Variants in PDE6A observed in about 807,000 individuals in gnomAD.
PDE6A encodes the protein rod cGMP-specific 3',5'-cyclic phosphodiesterase subunit alpha.
In PDE6A, 84 loss-of-function variants were observed where a neutral mutation model predicts 106.3. That is an observed-to-expected ratio of 0.79 (90% CI 0.66 to 0.95). The LOEUF (loss-of-function observed/expected upper bound fraction) is 0.95, where lower values mean the gene tolerates loss of function less well. Among genes scored for constraint, PDE6A ranks in the 40% least tolerant of loss-of-function variants. PDE6A has a pLI of 0.00. For synonymous variants in PDE6A, 394 were observed against 386.6 expected, an observed-to-expected ratio of 1.02 and a Z score of -0.23; for missense variants, 1,052 against 1,084.9, an observed-to-expected ratio of 0.97 and a Z score of 0.43.
intron 4 of PDE6A, among the ~76,000 whole-genome samples, chr5:149,922,632 T>C (rs1753756219): frequency 1.3e-5 from 2 of 152,100 alleles, no homozygotes; most frequent in African/African-American, 4.8e-5. Flanking sequence ...TATTAACAAG[T>C]GATTTTCTCT....
chr5:149,920,938 GAGAA>G (rs776746508), intron 5 of PDE6A, among the ~76,000 whole-genome samples: 23 of 69,702 alleles, frequency 3.3e-4, no homozygotes, highest in Non-Finnish European at 6.2e-4. Flanking sequence ...GAGAGAAAGA[GAGAA>G]AAAGAAAGAA....
chr5:149,915,499 C>A (rs1355853383), intron 5 of PDE6A, among the ~76,000 whole-genome samples: 2 of 152,160 alleles, frequency 1.3e-5, no homozygotes, highest in Non-Finnish European at 2.9e-5. Flanking sequence ...GCCATAAACT[C>A]CCTCCAAGGA....
rs751806607 is a variant in PDE6A at position 149,944,725 on chromosome 5, C to T, written c.-52G>A. On this transcript the variant is annotated 5_prime_UTR_variant, in exon 1 of 22. Transcript: ENST00000255266. ...TAGAAGGACTGGGACGGAGGCCTTC[C>T]AATGGCAGTTTTGCAGTCTGCAACA... is the stretch of plus-strand genomic sequence containing the variant. The T allele has an allele frequency of 6.9e-7, 1 of 1,455,568 alleles. No homozygotes were observed. The highest frequency in any genetic ancestry group is 9.4e-7 in the Non-Finnish European group (1 of 1,061,890). The allele number at this position is 1,455,568 out of a possible 1,614,324, so 90.2% of individuals were successfully genotyped here. A position where few individuals can be genotyped will look rare whatever the true frequency, so the allele number is the denominator to read the frequency against.
Position 149,868,088 on chromosome 5 carries a change from T to C in PDE6A, c.2199+7A>G, listed in dbSNP as rs1760398367. 2 of 1,613,648 alleles carry C rather than the reference T, an allele frequency of 1.2e-6. No individual in the cohort carries two copies. Among genetic ancestry groups the C allele is most frequent in the East Asian group, 2.2e-5 (1 of 44,866 alleles). On this transcript the variant is annotated splice_region_variant and intron_variant, in intron 18 of 21. Coordinates refer to ENST00000255266, the MANE Select transcript of PDE6A (RefSeq NM_000440.3). ...GCCCCTCCTCTTGGGTCAGCAGGAGTTCATACCTGGCTCTGCACCTCCCAG... is the reference window on the plus strand; with the variant it reads ...GCCCCTCCTCTTGGGTCAGCAGGAGCTCATACCTGGCTCTGCACCTCCCAG...
At chr5:149,941,964 CT>C (rs1754340161) in intron 1 of PDE6A, among the ~76,000 whole-genome samples, 1 of 151,404 alleles carries the variant, frequency 6.6e-6, no homozygotes, top group South Asian at 2.1e-4. Context: ...CTTTCTTTTC[CT>C]TTCCTTTCCT....
intron 8 of PDE6A, among the ~76,000 whole-genome samples, chr5:149,900,366 A>AATATATATATATATATATATATAT (rs1256037154): frequency 2.3e-4 from 3 of 12,782 alleles, no homozygotes; most frequent in Non-Finnish European, 4.0e-4. Flanking sequence ...CATCTCGAAA[A>AATATATATATATATATATATATAT]ATATATATGT....
At chr5:149,932,560 C>G in intron 3 of PDE6A, 5 of 1,484,640 alleles carry the variant, frequency 3.4e-6, no homozygotes, top group Non-Finnish European at 4.7e-6. Flanking sequence ...AATCCCTGTT[C>G]CAGGTTGGCG....
intron 17 of PDE6A, among the ~76,000 whole-genome samples, chr5:149,872,925 A>G (rs549770156): frequency 1.1e-3 from 175 of 152,330 alleles, no homozygotes; most frequent in Middle Eastern, 6.8e-3. Context: ...CATAGTCCCT[A>G]CTGCAAAGAC....
At chr5:149,893,301 C>T (rs1561723578) in intron 13 of PDE6A, among the ~76,000 whole-genome samples, 1 of 152,198 alleles carries the variant, frequency 6.6e-6, no homozygotes, top group African/African-American at 2.4e-5. Flanking sequence ...TCAAAAGGTC[C>T]CTCCAGATTC....
Position 149,866,169 on chromosome 5 carries a change from C to T in PDE6A, c.2358+1G>A, listed in dbSNP as rs1333137167. ...TGCGGCTGAGGAAGCCAAGGGCCTACCTTGTAGACGAAGGTGCAAACAAAG... is the reference window on the plus strand; with the variant it reads ...TGCGGCTGAGGAAGCCAAGGGCCTATCTTGTAGACGAAGGTGCAAACAAAG... On this transcript the variant is annotated splice_donor_variant, in intron 20 of 21. Transcript: ENST00000255266. LOFTEE classifies it high-confidence loss of function. 4.3e-6 allele frequency: 7 copies of T among 1,611,932 alleles called. No homozygotes were observed. The highest frequency in any genetic ancestry group is 5.1e-6 in the Non-Finnish European group (6 of 1,178,008).
chr5:149,889,390 T>C (rs1752455016), intron 13 of PDE6A, among the ~76,000 whole-genome samples: 1 of 151,980 alleles, frequency 6.6e-6, no homozygotes, highest in African/African-American at 2.4e-5. Context: ...AGCTAAGGTC[T>C]TTCTATAAGT....
chr5:149,884,926 A>G (rs947032884), intron 14 of PDE6A, 59 bp from the exon 15 acceptor site: 10 of 1,310,288 alleles, frequency 7.6e-6, no homozygotes, highest in African/African-American at 1.4e-5. Context: ...AGGACTAAAC[A>G]TCAAGTCTCC....
intron 19 of PDE6A, 65 bp from the exon 20 acceptor site, chr5:149,866,318 C>A: frequency 8.7e-7 from 1 of 1,147,446 alleles, no homozygotes; most frequent in South Asian, 1.2e-5. Context: ...ATCTATGAAG[C>A]ATTCTTACTA....
intron 7 of PDE6A, among the ~76,000 whole-genome samples, chr5:149,906,965 T>C (rs1471850751): frequency 6.6e-6 from 1 of 152,072 alleles, no homozygotes; most frequent in Non-Finnish European, 1.5e-5. Context: ...AGAGATGGAG[T>C]TCTGCCATGT....
chr5:149,944,249 C>A lies in PDE6A; in HGVS notation c.425G>T (p.Gly142Val). 6.2e-7 allele frequency: 1 copy of A among 1,613,750 alleles called. No homozygotes were observed. The highest frequency in any genetic ancestry group is 8.5e-7 in the Non-Finnish European group (1 of 1,179,930). The change falls in exon 1 of 22, where the codon GGC (glycine) becomes GTC (valine). Residue 142 changes from glycine to valine, a missense_variant. Physicochemically the swap from Gly to Val is moderately radical, Grantham distance 109 (BLOSUM62 -3). This residue lies in a region of PDE6A where 913 missense variants were observed against 915.2 expected (regional missense o/e 1.00). Transcript: ENST00000255266. ...AATCTTCTTAGAGTGTGCGACATGG[C>A]CCACGATGCCCATGTCCAAAGGGAA... is the stretch of plus-strand genomic sequence containing the variant. ...IVFPLDMGIV[G>V]HVAHSKKIAN...
intron 1 of PDE6A, among the ~76,000 whole-genome samples, chr5:149,943,089 G>A (rs1326941264): frequency 6.6e-6 from 1 of 151,998 alleles, no homozygotes; most frequent in Non-Finnish European, 1.5e-5. Context: ...TTCCCATGAG[G>A]CCATATCTCA....
At chr5:149,898,232 A>T (rs1162303127) in intron 10 of PDE6A, 131 bp downstream of exon 10, 1 of 756,760 alleles carries the variant, frequency 1.3e-6, no homozygotes, top group South Asian at 1.5e-5. Flanking sequence ...GCTAGGCAGG[A>T]AGGAACACAA....
chr5:149,899,640 G>C, intron 8 of PDE6A, 116 bp from the exon 9 acceptor site: 1 of 976,544 alleles, frequency 1.0e-6, no homozygotes, highest in Admixed American at 1.7e-5. Context: ...CAAGAGGATG[G>C]AGTTCATTGG....
In PDE6A at chr5:149,929,645, A is replaced by T. The variant is rs147519162; in HGVS notation, c.858+1383T>A. Among the ~76,000 whole-genome samples the T allele has an allele frequency of 5.0e-3, 516 of 103,724 alleles. 5 individuals carry two copies. Among genetic ancestry groups the T allele is most frequent in the African/African-American group, 0.021 (491 of 23,790 alleles). 68.0% of individuals were successfully genotyped at this position (103,724 alleles called of 152,430 possible). A position where few individuals can be genotyped will look rare whatever the true frequency, so the allele number is the denominator to read the frequency against. ...ATAAATAAATAAATAAATAAATAAAAGAAGCCAAACACAAAAGCATGTGTA... is the reference window on the plus strand; with the variant it reads ...ATAAATAAATAAATAAATAAATAAATGAAGCCAAACACAAAAGCATGTGTA... On this transcript the variant is annotated intron_variant, in intron 4 of 21. Transcript: ENST00000255266.
Sources: allele counts gnomAD v4.1 joint callset (sites outside exome capture counted in the v4.1 genomes callset), GRCh38; gene constraint gnomAD v4.1.1; regional missense constraint gnomAD v4.1.1; transcripts MANE v1.5; gene names NCBI Gene and HGNC (gene_info 2026-07-23, HGNC 2026-07-21).